COL2A1: variants seen among roughly 807,000 people sequenced by gnomAD.
COL2A1 encodes the protein collagen type II alpha 1 chain.
In COL2A1, 28 loss-of-function variants were observed where a neutral mutation model predicts 204.5. The observed-to-expected ratio is 0.14, with a 90% confidence interval of 0.10 to 0.19. The LOEUF is 0.19. COL2A1 is among the 10% of genes least tolerant of loss of function. The probability of loss-of-function intolerance (pLI) is 1.00; values close to 1 mark genes in which losing one functional copy is unlikely to be tolerated. For synonymous variants in COL2A1, 708 were observed against 718.7 expected, an observed-to-expected ratio of 0.99 and a Z score of 0.24; for missense variants, 1,388 against 2,027.5, an observed-to-expected ratio of 0.68 and a Z score of 6.06.
intron 16 of COL2A1, among the ~76,000 whole-genome samples, chr12:47,991,142 C>G (rs963066171): frequency 6.6e-6 from 1 of 152,206 alleles, no homozygotes; most frequent in East Asian, 1.9e-4. Flanking sequence ...TCTGGGCTGG[C>G]CTGGCTGCTT....
intron 27 of COL2A1, 22 bp from the exon 28 acceptor site, chr12:47,984,621 G>T: frequency 6.2e-7 from 1 of 1,613,300 alleles, no homozygotes; most frequent in Non-Finnish European, 8.5e-7. Flanking sequence ...AGAGGGCAGG[G>T]CCATGAGGCG....
In COL2A1 at chr12:47,973,135, A is replaced by T. The variant is rs990787059; in HGVS notation, c.*272T>A. 1 of 612,904 alleles carries T rather than the reference A, an allele frequency of 1.6e-6. No individual in the cohort carries two copies. The highest frequency in any genetic ancestry group is 2.9e-6 in the Non-Finnish European group (1 of 344,626). The allele number at this position is 612,904 out of a possible 1,614,324, so 38.0% of individuals were successfully genotyped here. On this transcript the variant is annotated 3_prime_UTR_variant, in exon 54 of 54. Transcript: ENST00000380518. ...GGGGCAGTCACTCAGGGGGCATTTG[A>T]CTCACACCAGTTAGTTTCCTGCCTC...
Position 47,985,773 on chromosome 12 carries a change from G to A in COL2A1, c.1635C>T (p.Asn545=), listed in dbSNP as rs141321284. Residue 545 remains asparagine, a synonymous_variant, in exon 25 of 54, where the codon AAC becomes AAT. Coordinates refer to ENST00000380518, the MANE Select transcript of COL2A1 (RefSeq NM_001844.5). ...PSGLAGPKGA[N]GDPGRPGEPG... ...GTTCTCCAGGACGGCCAGGGTCACC[G>A]TTGGCTCCCTTGGGGCCAGCAAGAC... 1.2e-4 allele frequency: 191 copies of A among 1,613,692 alleles called. No homozygotes were observed. Among genetic ancestry groups the A allele is most frequent in the Admixed American group, 2.2e-4 (13 of 59,986 alleles).
chr12:47,995,915 G>C lies in COL2A1; in HGVS notation c.614C>G (p.Pro205Arg). ...GCCTGGAGGTCCTCGAGGTCCCATG[G>C]GGCCCTGCATCGGAACAGAAAATGA... is the stretch of plus-strand genomic sequence containing the variant. The part of the protein sequence containing the change: ...QLGVMQGPMG[P>R]MGPRGPPGPA... Residue 205 changes from proline to arginine, a missense_variant, in exon 9 of 54, where the codon CCC becomes CGC. Transcript: ENST00000380518. 6.2e-7 allele frequency: 1 copy of C among 1,613,442 alleles called. No individual in the cohort carries two copies. The highest frequency in any genetic ancestry group is 8.5e-7 in the Non-Finnish European group (1 of 1,179,400).
chr12:47,987,746 A>G lies in COL2A1; in HGVS notation c.1123-37T>C. 1 of 1,542,664 alleles carries G rather than the reference A, an allele frequency of 6.5e-7. No individual in the cohort carries two copies. The highest frequency in any genetic ancestry group is 1.4e-5 in the African/African-American group (1 of 73,302). Reference sequence around the variant, plus strand: ...CAGGGAGGATGAAATGAAGAAGAAGAGAGGGGACACAGACCTCTAGTGGGT... The same window carrying G: ...CAGGGAGGATGAAATGAAGAAGAAGGGAGGGGACACAGACCTCTAGTGGGT... On this transcript the variant is annotated intron_variant, in intron 18 of 53. Transcript: ENST00000380518. This position sits in a 1 kb window ranked among gnomAD's most constrained non-coding sequence, Gnocchi z 4.1.
chr12:47,997,031 C>T (rs1939995318), intron 7 of COL2A1, among the ~76,000 whole-genome samples: 1 of 152,144 alleles, frequency 6.6e-6, no homozygotes, highest in Non-Finnish European at 1.5e-5. Context: ...AATATTTCAG[C>T]AAGAGATGTA....
In COL2A1 at chr12:47,990,006, CT is replaced by C. The variant is rs35920899; in HGVS notation, c.1024-202del. On this transcript the variant is annotated intron_variant, in intron 16 of 53. Transcript: ENST00000380518. The stretch of plus-strand genomic sequence containing the variant: ...AAGGCAGTAATGGGCTTCTTCTAAT[CT>C]TTTTTTGTTGTTGTTTTTGAGACGG... Among the ~76,000 whole-genome samples, 75,070 of 151,930 alleles carry C rather than the reference CT, an allele frequency of 0.49. 18,899 individuals are homozygous for C. The highest frequency in any genetic ancestry group is 0.58 in the East Asian group (2,994 of 5,160).
In COL2A1 at chr12:47,980,536, G is replaced by C. The variant is rs752329225; in HGVS notation, c.2625+18C>G. The C allele has an allele frequency of 6.3e-7, 1 of 1,579,776 alleles. No individual in the cohort carries two copies. The highest frequency in any genetic ancestry group is 1.2e-5 in the South Asian group (1 of 86,826). On this transcript the variant is annotated intron_variant, in intron 39 of 53. Coordinates refer to ENST00000380518, the MANE Select transcript of COL2A1 (RefSeq NM_001844.5). The surrounding 1 kb of genome is among the most constrained non-coding windows in gnomAD (Gnocchi z 4.5). ...CCCTTCCTTGAGGGAACAATTCTTG[G>C]AGTGCAGCGTTACCCACCTGAGGCC... is the stretch of plus-strand genomic sequence containing the variant.
intron 1 of COL2A1, 73 bp from the exon 2 acceptor site, chr12:48,000,198 G>A (rs1940169162): frequency 4.6e-6 from 5 of 1,085,300 alleles, no homozygotes; most frequent in Non-Finnish European, 1.4e-6. Flanking sequence ...GAGAAAAAGA[G>A]AGAGGTTGCA....
At chr12:47,995,844 G>A (rs368986567) in intron 9 of COL2A1, 31 bp downstream of exon 9, 195 of 1,609,224 alleles carry the variant, frequency 1.2e-4, no homozygotes, top group Non-Finnish European at 1.6e-4. Context: ...TCTGCGACAC[G>A]ATGGAGGCAA....
In COL2A1 at chr12:47,980,947, G is replaced by C. The variant is rs745794356; in HGVS notation, c.2485C>G (p.Pro829Ala). 2.6e-6 allele frequency: 4 copies of C among 1,552,334 alleles called. No homozygotes were observed. The highest frequency in any genetic ancestry group is 3.5e-6 in the Non-Finnish European group (4 of 1,147,604). ...GAPGERGETG[P>A]PGPAGFAGPP... ...CCAGCAAATCCCGCTGGTCCGGGGG[G>C]CCCAGTCTCTCCACGTTCACCCTGT... The change falls in exon 38 of 54, where the codon CCC (proline) becomes GCC (alanine). Residue 829 changes from proline to alanine, a missense_variant. By Grantham distance (27) the Pro-to-Ala change is conservative. Around this residue, in one of 3 missense-constraint regions of COL2A1, gnomAD observed 884 missense variants for 1,415.8 expected, o/e 0.62. Coordinates refer to ENST00000380518, the MANE Select transcript of COL2A1 (RefSeq NM_001844.5). The surrounding 1 kb of genome is among the most constrained non-coding windows in gnomAD (Gnocchi z 4.5).
chr12:47,983,236 G>C (rs909927922), intron 31 of COL2A1, 99 bp from the exon 32 acceptor site: 3 of 1,507,776 alleles, frequency 2.0e-6, no homozygotes, highest in Non-Finnish European at 2.7e-6. Flanking sequence ...TCCCATGGGG[G>C]ATTGTGTCAT....
intron 7 of COL2A1, 66 bp from the exon 8 acceptor site, chr12:47,996,691 A>G: frequency 1.6e-6 from 2 of 1,256,988 alleles, no homozygotes; most frequent in Non-Finnish European, 2.3e-6. Flanking sequence ...TGGCTAGGTA[A>G]GCTCTATATG....
intron 22 of COL2A1, 115 bp downstream of exon 22, chr12:47,986,720 G>A (rs913798824): frequency 8.2e-7 from 1 of 1,212,416 alleles, no homozygotes; most frequent in Middle Eastern, 1.9e-4. Context: ...AATCTGAAAG[G>A]ACCCAGATTG....
In COL2A1 at chr12:47,978,576, T is replaced by C. The variant is rs1380710642; in HGVS notation, c.2895+21A>G. 2 of 1,613,362 alleles carry C rather than the reference T, an allele frequency of 1.2e-6. No homozygotes were observed. Among genetic ancestry groups the C allele is most frequent in the South Asian group, 2.2e-5 (2 of 91,036 alleles). ...GACCCTGCTCCCAGGGACCTTGGCA[T>C]GGGCCTGGTGAGGGACTTACAGAGG... On this transcript the variant is annotated intron_variant, in intron 42 of 53. Coordinates refer to ENST00000380518, the MANE Select transcript of COL2A1 (RefSeq NM_001844.5). This position sits in a 1 kb window ranked among gnomAD's most constrained non-coding sequence, Gnocchi z 5.5.
intron 2 of COL2A1, among the ~76,000 whole-genome samples, chr12:47,999,131 C>G (rs1793956): frequency 0.76 from 115,711 of 152,092 alleles, 44,606 homozygotes; most frequent in Non-Finnish European, 0.84. Context: ...CAGCAGGAAG[C>G]GGACAGCAAG....
chr12:47,991,683 C>G (rs992784774), intron 16 of COL2A1, among the ~76,000 whole-genome samples: 1 of 152,202 alleles, frequency 6.6e-6, no homozygotes, highest in East Asian at 1.9e-4. Flanking sequence ...AGAAGCAGGG[C>G]GGCTGTGCCC....
At chr12:47,995,491 C>A (rs1340590637) in intron 10 of COL2A1, among the ~76,000 whole-genome samples, 183 bp from the exon 11 acceptor site, 1 of 152,148 alleles carries the variant, frequency 6.6e-6, no homozygotes, top group Non-Finnish European at 1.5e-5. Flanking sequence ...TGGGGTGACC[C>A]GGAAAGGGGG....
chr12:47,986,346 G>A lies in COL2A1; in HGVS notation c.1517C>T (p.Pro506Leu). ...EPGGVGPIGP[P>L]GERGAPGNRG... is the part of the protein sequence containing the mutation. ...CCACATTCACTTAACTCTTTCTCCAGGGGGACCGATGGGCCCAACGCCACC... is the reference window on the plus strand; with the variant it reads ...CCACATTCACTTAACTCTTTCTCCAAGGGGACCGATGGGCCCAACGCCACC... The change falls in exon 23 of 54, where the codon CCT (proline) becomes CTT (leucine). Residue 506 changes from proline to leucine, a missense_variant. Around this residue, in one of 3 missense-constraint regions of COL2A1, gnomAD observed 884 missense variants for 1,415.8 expected, o/e 0.62. Coordinates refer to ENST00000380518, the MANE Select transcript of COL2A1 (RefSeq NM_001844.5). The A allele has an allele frequency of 6.4e-7, 1 of 1,560,918 alleles. No individual in the cohort carries two copies. The highest frequency in any genetic ancestry group is 8.7e-7 in the Non-Finnish European group (1 of 1,150,480).
Sources: gnomAD v4.1 joint callset for allele counts (sites outside exome capture counted in the v4.1 genomes callset) on GRCh38, gnomAD v4.1.1 for gene constraint, gnomAD v4.1.1 regional missense constraint, Gnocchi (gnomAD v3.1) non-coding constraint, MANE v1.5 for transcripts, NCBI Gene and HGNC (gene_info 2026-07-23, HGNC 2026-07-21) for gene names.